FHIT: variants seen among roughly 807,000 people sequenced by gnomAD.
FHIT encodes fragile histidine triad diadenosine triphosphatase.
A neutral mutation model predicts 17.9 loss-of-function variants in FHIT; 19 were observed. That is an observed-to-expected ratio of 1.06 (90% CI 0.74 to 1.56). The LOEUF (loss-of-function observed/expected upper bound fraction) is 1.56. Among genes scored for constraint, FHIT ranks in the 40% most tolerant of loss-of-function variants. The pLI, the probability that FHIT is intolerant of heterozygous loss-of-function variation, is 0.00. For synonymous variants in FHIT, 81 were observed against 69.7 expected (o/e 1.16, Z -0.81); for missense variants, 248 against 189.2 (o/e 1.31, Z -1.82).
At chr3:60,850,821 T>A (rs1030751137) in intron 3 of FHIT, among the ~76,000 whole-genome samples, 1 of 152,184 alleles carries the variant, frequency 6.6e-6, no homozygotes, top group Non-Finnish European at 1.5e-5. Flanking sequence ...AGAATTTATA[T>A]AACCTACTCA....
At chr3:61,189,154 C>A (rs1417411914) in intron 2 of FHIT, among the ~76,000 whole-genome samples, 1 of 152,184 alleles carries the variant, frequency 6.6e-6, no homozygotes, top group Admixed American at 6.5e-5. Context: ...TCCCTGTTTG[C>A]CGATGACATG....
chr3:60,589,776 T>C (rs976304415), intron 4 of FHIT, among the ~76,000 whole-genome samples: 1 of 152,114 alleles, frequency 6.6e-6, no homozygotes, highest in African/African-American at 2.4e-5. Context: ...CAGTATATTT[T>C]TGATTGTGAT....
intron 3 of FHIT, among the ~76,000 whole-genome samples, chr3:60,974,682 A>G (rs945519969): frequency 1.3e-5 from 2 of 152,210 alleles, no homozygotes; most frequent in African/African-American, 4.8e-5. Context: ...AACAAGAGTG[A>G]TTAACCCTCA....
At chr3:60,057,172 C>G (rs1411719095) in intron 5 of FHIT, among the ~76,000 whole-genome samples, 1 of 152,256 alleles carries the variant, frequency 6.6e-6, no homozygotes, top group Admixed American at 6.5e-5. Flanking sequence ...CCAGGTACAT[C>G]CTATGCATTA....
intron 5 of FHIT, among the ~76,000 whole-genome samples, chr3:60,113,807 C>T (rs1704794802): frequency 6.7e-6 from 1 of 149,784 alleles, no homozygotes; most frequent in South Asian, 2.1e-4. Flanking sequence ...CGAGACCATC[C>T]TGGTTAACAT....
At chr3:61,162,654 A>G (rs1646554483) in intron 2 of FHIT, among the ~76,000 whole-genome samples, 1 of 152,174 alleles carries the variant, frequency 6.6e-6, no homozygotes, top group Admixed American at 6.5e-5. Flanking sequence ...AAAGGATCCC[A>G]TTTCCCAATT....
At chr3:61,086,245 TAG>T (rs895084804) in intron 2 of FHIT, among the ~76,000 whole-genome samples, 5 of 152,160 alleles carry the variant, frequency 3.3e-5, no homozygotes, top group Non-Finnish European at 7.4e-5. Flanking sequence ...AAAAAATATA[TAG>T]AGAGTCTTTA....
intron 1 of FHIT, among the ~76,000 whole-genome samples, chr3:61,242,353 G>C (rs1158168167): frequency 6.6e-6 from 1 of 151,702 alleles, no homozygotes; most frequent in African/African-American, 2.4e-5. Flanking sequence ...ATTTTCCTTT[G>C]TAAAGGTGAC....
intron 4 of FHIT, among the ~76,000 whole-genome samples, chr3:60,741,114 C>T (rs1559685512): frequency 6.6e-6 from 1 of 152,174 alleles, no homozygotes; most frequent in Non-Finnish European, 1.5e-5. Flanking sequence ...AAGTCACGTA[C>T]TTTTTAACAG....
intron 5 of FHIT, among the ~76,000 whole-genome samples, chr3:60,526,455 A>G (rs146720650): frequency 6.6e-6 from 1 of 151,978 alleles, no homozygotes. Context: ...TCGGACATTC[A>G]TGGTCATTTA....
chr3:60,894,574 G>T (rs979391568), intron 3 of FHIT, among the ~76,000 whole-genome samples: 5 of 152,182 alleles, frequency 3.3e-5, no homozygotes, highest in African/African-American at 9.6e-5. Context: ...TCTTGAAATG[G>T]AGGCCAAGTG....
chr3:60,554,121 G>C (rs2036661625), intron 4 of FHIT, among the ~76,000 whole-genome samples: 1 of 151,772 alleles, frequency 6.6e-6, no homozygotes. Context: ...ATCAGGGAAA[G>C]ACAGAAACCT....
chr3:60,993,870 C>T (rs1383166786), intron 3 of FHIT, among the ~76,000 whole-genome samples: 1 of 152,114 alleles, frequency 6.6e-6, no homozygotes, highest in Non-Finnish European at 1.5e-5. Flanking sequence ...CTTACTCTCC[C>T]TTTGTATGTA....
intron 3 of FHIT, among the ~76,000 whole-genome samples, chr3:60,942,033 G>A (rs1708431102): frequency 6.6e-6 from 1 of 152,070 alleles, no homozygotes; most frequent in African/African-American, 2.4e-5. Flanking sequence ...TGTCGCCCAG[G>A]GTGGTACAAT....
At chr3:60,441,795 T>A (rs373861945) in intron 5 of FHIT, among the ~76,000 whole-genome samples, 11 of 96,048 alleles carry the variant, frequency 1.1e-4, no homozygotes, top group East Asian at 8.3e-4. Flanking sequence ...TATATATATA[T>A]ATATATATAT....
chr3:59,781,224 G>A (rs1243098770), intron 8 of FHIT, among the ~76,000 whole-genome samples: 1 of 152,112 alleles, frequency 6.6e-6, no homozygotes, highest in Non-Finnish European at 1.5e-5. Context: ...ACAGCCAAAG[G>A]TCTTCAAAAC....
At chr3:60,974,346 G>A (rs1265862418) in intron 3 of FHIT, among the ~76,000 whole-genome samples, 2 of 152,092 alleles carry the variant, frequency 1.3e-5, no homozygotes, top group Non-Finnish European at 2.9e-5. Flanking sequence ...TCATCCCATT[G>A]GCCAGAGTTA....
intron 7 of FHIT, among the ~76,000 whole-genome samples, chr3:59,950,750 C>T (rs2107305791): frequency 6.6e-6 from 1 of 152,130 alleles, no homozygotes; most frequent in East Asian, 1.9e-4. Context: ...TCCCAGGCAA[C>T]AGGCAAAAAT....
intron 3 of FHIT, among the ~76,000 whole-genome samples, chr3:60,824,090 C>T (rs1207476520): frequency 6.6e-6 from 1 of 152,120 alleles, no homozygotes; most frequent in Non-Finnish European, 1.5e-5. Flanking sequence ...GAAGCCATTG[C>T]CTACTTCTGA....
Sources: allele counts gnomAD v4.1 joint callset (sites outside exome capture counted in the v4.1 genomes callset), GRCh38; gene constraint gnomAD v4.1.1; transcripts MANE v1.5; gene names NCBI Gene and HGNC (gene_info 2026-07-23, HGNC 2026-07-21).